CDH12: variants seen among roughly 807,000 people sequenced by gnomAD.
The protein encoded by CDH12 is cadherin-12.
CDH12 carries 41 observed loss-of-function variants against 74.1 expected under a neutral mutation model. That is an observed-to-expected ratio of 0.55 (90% CI 0.43 to 0.72). CDH12 has a LOEUF of 0.72. CDH12 is among the 30% of genes least tolerant of loss of function. CDH12 has a pLI of 0.00. For synonymous variants in CDH12, 399 were observed against 355.0 expected (o/e 1.12, Z -1.39); for missense variants, 945 against 977.2 (o/e 0.97, Z 0.44).
chr5:22,440,579 G>A (rs1203588928), intron 2 of CDH12, among the ~76,000 whole-genome samples: 2 of 152,180 alleles, frequency 1.3e-5, no homozygotes, highest in South Asian at 2.1e-4. Flanking sequence ...AAAACTCAAG[G>A]TGTCAGCAGA....
chr5:22,405,395 C>G (rs1742900000), intron 2 of CDH12, 44 bp from the exon 3 acceptor site: 1 of 433,346 alleles, frequency 2.3e-6, no homozygotes, highest in African/African-American at 2.1e-5. Context: ...ATGCAAGACT[C>G]TCTGTATTCT....
intron 2 of CDH12, among the ~76,000 whole-genome samples, chr5:22,444,701 T>C (rs1482249724): frequency 6.6e-6 from 1 of 152,100 alleles, no homozygotes; most frequent in African/African-American, 2.4e-5. Context: ...CAGCGGTATA[T>C]ATTGAGACTT....
intron 1 of CDH12, among the ~76,000 whole-genome samples, chr5:22,609,517 T>C (rs944901645): frequency 6.6e-6 from 1 of 152,204 alleles, no homozygotes; most frequent in African/African-American, 2.4e-5. Flanking sequence ...AGAATATAAA[T>C]GTTCACAAAT....
intron 8 of CDH12, among the ~76,000 whole-genome samples, chr5:21,838,650 G>A (rs1432192923): frequency 6.6e-6 from 1 of 152,140 alleles, no homozygotes; most frequent in African/African-American, 2.4e-5. Flanking sequence ...CCTTAGACCT[G>A]TAGATTCAAC....
chr5:22,672,058 ATATT>A (rs1477253183), intron 1 of CDH12, among the ~76,000 whole-genome samples: 51 of 141,156 alleles, frequency 3.6e-4, no homozygotes, highest in Non-Finnish European at 5.8e-4. Flanking sequence ...ATAAATATAT[ATATT>A]TATTCTTTAT....
At chr5:22,186,728 C>T (rs1195907456) in intron 4 of CDH12, among the ~76,000 whole-genome samples, 5 of 152,148 alleles carry the variant, frequency 3.3e-5, no homozygotes, top group Non-Finnish European at 7.4e-5. Flanking sequence ...GCCTTGGCCT[C>T]CCAAAGTGCT....
At chr5:22,651,050 A>G (rs2126883645) in intron 1 of CDH12, among the ~76,000 whole-genome samples, 1 of 152,198 alleles carries the variant, frequency 6.6e-6, no homozygotes, top group South Asian at 2.1e-4. Flanking sequence ...TCCAATTATA[A>G]GATAACTTAC....
chr5:22,812,312 C>A (rs1305573966), intron 1 of CDH12, among the ~76,000 whole-genome samples: 3 of 152,074 alleles, frequency 2.0e-5, no homozygotes, highest in Non-Finnish European at 4.4e-5. Flanking sequence ...TGAGGGAAGG[C>A]ATAATACTTA....
At chr5:22,086,994 C>T (rs956579558) in intron 4 of CDH12, among the ~76,000 whole-genome samples, 3 of 152,088 alleles carry the variant, frequency 2.0e-5, no homozygotes, top group African/African-American at 4.8e-5. Flanking sequence ...GAGAGATGTC[C>T]TATAAAATGC....
intron 6 of CDH12, among the ~76,000 whole-genome samples, chr5:21,972,370 T>C (rs1379213773): frequency 1.3e-5 from 2 of 152,170 alleles, no homozygotes; most frequent in Non-Finnish European, 2.9e-5. Context: ...GTCACAACAA[T>C]TGGTATACTG....
At chr5:22,781,609 G>A (rs1747387644) in intron 1 of CDH12, among the ~76,000 whole-genome samples, 1 of 152,012 alleles carries the variant, frequency 6.6e-6, no homozygotes, top group South Asian at 2.1e-4. Context: ...AGCAGTAATG[G>A]GCAGCTTTCC....
At chr5:22,798,822 A>C (rs1211456472) in intron 1 of CDH12, among the ~76,000 whole-genome samples, 1 of 152,166 alleles carries the variant, frequency 6.6e-6, no homozygotes, top group African/African-American at 2.4e-5. Flanking sequence ...TGATTAAAAC[A>C]AACTGTCTCC....
Position 22,478,033 on chromosome 5 carries a change from T to C in CDH12, c.-428+27237A>G. 1.3e-5 allele frequency among the ~76,000 whole-genome samples: 2 copies of C among 152,222 alleles called. 1 individual carries two copies. The highest frequency in any genetic ancestry group is 3.9e-4 in the East Asian group (2 of 5,194). ...TCCAAGTAGGGGATTAGACTCATTA[T>C]ATATTCCCTGAGAAAGTCAGTATTT... On this transcript the variant is annotated intron_variant, in intron 2 of 14. Coordinates refer to ENST00000382254, the MANE Select transcript of CDH12 (RefSeq NM_004061.5).
rs552636673 is a variant in CDH12, at chr5:22,830,573, G to A, written c.-523+22485C>T. Among the ~76,000 whole-genome samples the A allele has an allele frequency of 4.1e-4, 62 of 151,520 alleles. 1 individual carries two copies. The highest frequency in any genetic ancestry group is 1.3e-3 in the African/African-American group (52 of 41,430). ...CCTTATTTTCAAATCAAATAGTTAC[G>A]TGCTCTCCTTTTTATATAGTTTTCT... On this transcript the variant is annotated intron_variant, in intron 1 of 14. Coordinates refer to ENST00000382254, the MANE Select transcript of CDH12 (RefSeq NM_004061.5).
At chr5:22,221,522 G>A (rs961254671) in intron 3 of CDH12, among the ~76,000 whole-genome samples, 6 of 151,812 alleles carry the variant, frequency 4.0e-5, no homozygotes, top group Admixed American at 6.6e-5. Flanking sequence ...GACTCTAAGT[G>A]ACTTAATGGC....
At chr5:22,574,245 A>G (rs569874727) in intron 1 of CDH12, among the ~76,000 whole-genome samples, 18 of 151,582 alleles carry the variant, frequency 1.2e-4, no homozygotes, top group African/African-American at 4.4e-4. Context: ...ACACCTGGCT[A>G]ATTTTTGTAT....
intron 5 of CDH12, among the ~76,000 whole-genome samples, chr5:22,075,131 T>C (rs937572734): frequency 6.6e-6 from 1 of 151,548 alleles, no homozygotes. Context: ...TATGCAGCCA[T>C]AAAAAAGGAT....
chr5:21,916,387 C>T (rs1002853150), intron 6 of CDH12, among the ~76,000 whole-genome samples: 3 of 152,130 alleles, frequency 2.0e-5, no homozygotes, highest in African/African-American at 7.2e-5. Context: ...ACTCCAGGGT[C>T]TTCAAATAAG....
intron 4 of CDH12, chr5:22,143,559 A>T (rs958188092): frequency 1.3e-5 from 2 of 151,892 alleles, no homozygotes; most frequent in Non-Finnish European, 2.9e-5. Flanking sequence ...AGTAGAGGCA[A>T]GGTTTCACCA....
Sources: allele counts gnomAD v4.1 joint callset (sites outside exome capture counted in the v4.1 genomes callset), GRCh38; gene constraint gnomAD v4.1.1; transcripts MANE v1.5; gene names NCBI Gene and HGNC (gene_info 2026-07-23, HGNC 2026-07-21).